The following SPMIP7 variants were observed in gnomAD, a reference collection of about 807,000 sequenced individuals.
SPMIP7 encodes the protein protein SPMIP7.
the SPMIP7 span, chr7:50,159,231 G>T: frequency 6.6e-7 from 1 of 1,524,454 alleles, no homozygotes; most frequent in Non-Finnish European, 8.8e-7. Context: ...GCGGCGGTGG[G>T]AAATAAAGGC....
At chr7:50,136,076 TGATTTTGACGATTATTTTTA>T in the SPMIP7 span, 44 of 1,528,766 alleles carry the variant, frequency 2.9e-5, no homozygotes, top group Middle Eastern at 1.7e-4. Flanking sequence ...TAACTGTCAT[TGATTTTGACGATTATTTTTA>T]GATGGTTGGT....
chr7:50,121,123 G>C, the SPMIP7 span, among the ~76,000 whole-genome samples: 1 of 152,170 alleles, frequency 6.6e-6, no homozygotes, highest in Non-Finnish European at 1.5e-5. Flanking sequence ...CACGAGGAAA[G>C]CATAATCATC....
At chr7:50,129,203 GA>G in the SPMIP7 span, among the ~76,000 whole-genome samples, 1 of 151,566 alleles carries the variant, frequency 6.6e-6, no homozygotes, top group Non-Finnish European at 1.5e-5. Flanking sequence ...ACCTAGGGGA[GA>G]AAAAACAAGT....
At chr7:50,104,658 G>C in the SPMIP7 span, among the ~76,000 whole-genome samples, 1 of 151,996 alleles carries the variant, frequency 6.6e-6, no homozygotes, top group Admixed American at 6.6e-5. Context: ...TGCAGCTGGT[G>C]CCCATCACAG....
chr7:50,149,265 G>A, the SPMIP7 span, among the ~76,000 whole-genome samples: 32 of 142,384 alleles, frequency 2.2e-4, no homozygotes, highest in Middle Eastern at 3.7e-3. Context: ...TGTCTGTACT[G>A]GATAAACTTT....
At chr7:50,134,939 C>T in the SPMIP7 span, among the ~76,000 whole-genome samples, 1 of 152,078 alleles carries the variant, frequency 6.6e-6, no homozygotes, top group African/African-American at 2.4e-5. Context: ...CCATTATTTG[C>T]CCATGGTTCC....
At chr7:50,115,985 CAGCCCAGTTA>C in the SPMIP7 span, among the ~76,000 whole-genome samples, 1 of 152,118 alleles carries the variant, frequency 6.6e-6, no homozygotes, top group Non-Finnish European at 1.5e-5. Context: ...AGTTCTTAGC[CAGCCCAGTTA>C]AGCAAACATA....
the SPMIP7 span, among the ~76,000 whole-genome samples, chr7:50,146,277 C>A: frequency 6.6e-6 from 1 of 152,182 alleles, no homozygotes; most frequent in African/African-American, 2.4e-5. Context: ...CATAAAGAGC[C>A]AAGATCACTC....
chr7:50,119,809 G>C, the SPMIP7 span, among the ~76,000 whole-genome samples: 1 of 152,188 alleles, frequency 6.6e-6, no homozygotes, highest in Non-Finnish European at 1.5e-5. Context: ...TCACTTATGA[G>C]GGTACAAGTA....
chr7:50,117,220 T>A, the SPMIP7 span: 3 of 455,272 alleles, frequency 6.6e-6, no homozygotes, highest in Admixed American at 7.1e-5. Context: ...TGTTCATTCA[T>A]GAAAATAACA....
chr7:50,104,214 C>G, the SPMIP7 span: 2 of 446,044 alleles, frequency 4.5e-6, no homozygotes, highest in South Asian at 5.4e-5. Context: ...AAATGAATTA[C>G]GATCACACAG....
At chr7:50,149,157 A>C in the SPMIP7 span, among the ~76,000 whole-genome samples, 1 of 138,478 alleles carries the variant, frequency 7.2e-6, no homozygotes, top group African/African-American at 2.7e-5. Context: ...AAAAAAAAAA[A>C]TGTGGGAGTG....
At chr7:50,145,614 GTGTGTATATATATA>G in the SPMIP7 span, among the ~76,000 whole-genome samples, 149 of 39,062 alleles carry the variant, frequency 3.8e-3, 11 homozygotes, top group African/African-American at 0.01. Flanking sequence ...GTGTATATGT[GTGTGTATATATATA>G]TATATATATA....
the SPMIP7 span, among the ~76,000 whole-genome samples, chr7:50,144,074 A>T: frequency 6.6e-6 from 1 of 152,242 alleles, no homozygotes; most frequent in African/African-American, 2.4e-5. Flanking sequence ...ATATGTAAAC[A>T]TTCTTAAAAA....
the SPMIP7 span, among the ~76,000 whole-genome samples, chr7:50,127,708 T>C: frequency 1.1e-4 from 16 of 151,052 alleles, no homozygotes; most frequent in African/African-American, 3.9e-4. Context: ...AACAGGTATA[T>C]GAAAAAATGC....
chr7:50,096,180 A>G, the SPMIP7 span: 2 of 1,551,522 alleles, frequency 1.3e-6, no homozygotes, highest in African/African-American at 1.4e-5. Flanking sequence ...TACCCACACT[A>G]TTGTGATCTC....
the SPMIP7 span, among the ~76,000 whole-genome samples, chr7:50,104,156 GT>G: frequency 2.0e-5 from 3 of 152,106 alleles, no homozygotes; most frequent in Non-Finnish European, 4.4e-5. Flanking sequence ...GAGCTATTCT[GT>G]TCTCACAGCT....
chr7:50,109,523 G>C, the SPMIP7 span, among the ~76,000 whole-genome samples: 1 of 152,074 alleles, frequency 6.6e-6, no homozygotes, highest in Non-Finnish European at 1.5e-5. Context: ...TTACAGGCAT[G>C]TGCCACCACG....
the SPMIP7 span, among the ~76,000 whole-genome samples, chr7:50,124,289 A>C: frequency 6.6e-6 from 1 of 152,156 alleles, no homozygotes; most frequent in African/African-American, 2.4e-5. Context: ...TCCACTGATC[A>C]CCTTAGGGGG....
Sources: allele counts gnomAD v4.1 joint callset (sites outside exome capture counted in the v4.1 genomes callset), GRCh38; gene constraint gnomAD v4.1.1; transcripts MANE v1.5; gene names NCBI Gene and HGNC (gene_info 2026-07-23, HGNC 2026-07-21).